Variants in P4HA1 observed in about 807,000 individuals in gnomAD.
P4HA1 encodes prolyl 4-hydroxylase subunit alpha-1.
In P4HA1, 24 loss-of-function variants were observed where a neutral mutation model predicts 72.8. That is an observed-to-expected ratio of 0.33 (90% CI 0.24 to 0.46). The LOEUF (loss-of-function observed/expected upper bound fraction) is 0.46, where lower values mean the gene tolerates loss of function less well. Among genes scored for constraint, P4HA1 ranks in the 20% least tolerant of loss-of-function variants. P4HA1 has a pLI of 1.00. For missense variants in P4HA1, 446 were observed against 640.6 expected (o/e 0.70, Z 3.28); for synonymous variants, 201 against 218.8 (o/e 0.92, Z 0.72).
Position 73,042,968 on chromosome 10 carries a change from T to G in P4HA1, c.1148+2013A>C, listed in dbSNP as rs563685185. On this transcript the variant is annotated intron_variant, in intron 9 of 14. Coordinates refer to ENST00000394890, the MANE Select transcript of P4HA1 (RefSeq NM_001017962.3). The stretch of plus-strand genomic sequence containing the variant: ...AGTGACACATTTTTATGCCTGAAAA[T>G]CTTTTATTTATCACATTATACTTAT... 5.3e-5 allele frequency among the ~76,000 whole-genome samples: 8 copies of G among 152,228 alleles called. No homozygotes were observed. The East Asian group carries it at 1.5e-3, about 29-fold the overall frequency.
At chr10:73,035,790 A>G (rs1840555214) in intron 9 of P4HA1, among the ~76,000 whole-genome samples, 1 of 152,144 alleles carries the variant, frequency 6.6e-6, no homozygotes, top group African/African-American at 2.4e-5. Context: ...ATTTCATAAA[A>G]CCCTTGCCAG....
At chr10:73,019,635 C>G (rs1840087455) in intron 10 of P4HA1, among the ~76,000 whole-genome samples, 1 of 142,234 alleles carries the variant, frequency 7.0e-6, no homozygotes, top group African/African-American at 2.6e-5. Flanking sequence ...GAGGCTGAGG[C>G]AGGAGAATCG....
intron 9 of P4HA1, among the ~76,000 whole-genome samples, chr10:73,041,926 C>A (rs1840745581): frequency 4.0e-5 from 6 of 151,632 alleles, no homozygotes; most frequent in Non-Finnish European, 5.9e-5. Context: ...CTCTCTGTAG[C>A]CTCAACCTCC....
rs545652829 is a variant in P4HA1 at position 73,092,482 on chromosome 10, T to C, written c.-33+4284A>G. Among the ~76,000 whole-genome samples, 55 of 150,990 alleles carry C rather than the reference T, an allele frequency of 3.6e-4. 2 individuals carry two copies. In the South Asian group the frequency reaches 0.011, roughly 31 times the overall value. On this transcript the variant is annotated intron_variant, in intron 1 of 14. Transcript: ENST00000394890. ...CTCCCACCTCAGCCTCCCAAGTAGT[T>C]AGACTACAGATGCATGCAACCTCAT...
chr10:73,087,651 T>C (rs189289350), intron 1 of P4HA1, among the ~76,000 whole-genome samples: 57 of 152,066 alleles, frequency 3.7e-4, no homozygotes, highest in Middle Eastern at 6.8e-3. Flanking sequence ...TCTTTTTAAT[T>C]AGGTTGTTTA....
intron 1 of P4HA1, among the ~76,000 whole-genome samples, chr10:73,091,924 T>C (rs1329577121): frequency 6.6e-6 from 1 of 152,212 alleles, no homozygotes; most frequent in East Asian, 1.9e-4. Flanking sequence ...AAGCTGGCTT[T>C]AGCAGTCCCT....
chr10:73,085,124 G>C (rs752774548), intron 1 of P4HA1, among the ~76,000 whole-genome samples: 36 of 151,652 alleles, frequency 2.4e-4, no homozygotes, highest in South Asian at 1.0e-3. Context: ...CTGGGTGACA[G>C]AGTGAGTCCA....
intron 5 of P4HA1, among the ~76,000 whole-genome samples, chr10:73,058,331 G>A (rs1463959147): frequency 6.6e-6 from 1 of 152,074 alleles, no homozygotes; most frequent in Non-Finnish European, 1.5e-5. Context: ...TCCCACGAAT[G>A]CCTGCTGATT....
intron 1 of P4HA1, among the ~76,000 whole-genome samples, chr10:73,093,153 A>G (rs1842074036): frequency 6.6e-6 from 1 of 151,768 alleles, no homozygotes; most frequent in South Asian, 2.1e-4. Context: ...AGTAAGGCTG[A>G]GTGTACTAAT....
Position 73,053,578 on chromosome 10 carries a change from T to C in P4HA1, c.476A>G (p.Lys159Arg). 6.2e-7 allele frequency: 1 copy of C among 1,613,818 alleles called. No individual in the cohort carries two copies. Among genetic ancestry groups the C allele is most frequent in the East Asian group, 2.2e-5 (1 of 44,886 alleles). ...GCAGTCCTCAGCCGTTAGAAAAGAT[T>C]TGTGTTTCACTCCTATGAAAAGAAA... ...SKGNLPGVKH[K>R]SFLTAEDCFE... is the part of the protein sequence containing the mutation. Residue 159 changes from lysine to arginine, a missense_variant, in exon 6 of 15, where the codon AAA (lysine) becomes AGA (arginine). Transcript: ENST00000394890.
intron 5 of P4HA1, among the ~76,000 whole-genome samples, chr10:73,055,590 G>A (rs769728573): frequency 2.0e-5 from 3 of 152,142 alleles, no homozygotes; most frequent in Non-Finnish European, 4.4e-5. Flanking sequence ...AAACTGTGAT[G>A]AAGTCCAACT....
chr10:73,024,957 T>C (rs898671242), intron 10 of P4HA1, among the ~76,000 whole-genome samples: 2 of 152,148 alleles, frequency 1.3e-5, no homozygotes, highest in African/African-American at 2.4e-5. Context: ...AATCTCTGAA[T>C]AGAAAAATAA....
chr10:73,090,456 T>C (rs1842005055), intron 1 of P4HA1, among the ~76,000 whole-genome samples: 1 of 152,244 alleles, frequency 6.6e-6, no homozygotes, highest in Non-Finnish European at 1.5e-5. Flanking sequence ...TTGAAGGTGA[T>C]GGATATGTTC....
At chr10:73,076,588 G>A (rs895670806) in intron 1 of P4HA1, among the ~76,000 whole-genome samples, 4 of 151,714 alleles carry the variant, frequency 2.6e-5, no homozygotes, top group Admixed American at 6.6e-5. Context: ...TGATAGCACC[G>A]TCTTTTCTAG....
Position 73,072,067 on chromosome 10 carries a change from C to T in P4HA1, c.287G>A (p.Ser96Asn), listed in dbSNP as rs202013545. Reference protein sequence around the residue: ...KLMKRLNTEWSELENLVLKDM... With the variant: ...KLMKRLNTEWNELENLVLKDM... ...CTTAAGGACCAGATTCTCCAACTCA[C>T]TCCACTCAGTATTCAGACGTTTCAT... The change falls in exon 4 of 15, where the codon AGT becomes AAT. Residue 96 changes from serine to asparagine, a missense_variant. By Grantham distance (46) the Ser-to-Asn change is conservative (BLOSUM62 1). Transcript: ENST00000394890. 1.6e-5 allele frequency: 26 copies of T among 1,613,010 alleles called. No individual in the cohort carries two copies. In the Admixed American group the frequency reaches 1.8e-4, roughly 11 times the overall value.
chr10:73,028,432 T>C (rs920003966), intron 10 of P4HA1, among the ~76,000 whole-genome samples: 1 of 151,764 alleles, frequency 6.6e-6, no homozygotes, highest in Non-Finnish European at 1.5e-5. Flanking sequence ...TAACAGTTTA[T>C]TTATTTATTT....
At chr10:73,016,390 T>C (rs1840007823) in intron 11 of P4HA1, among the ~76,000 whole-genome samples, 2 of 152,216 alleles carry the variant, frequency 1.3e-5, no homozygotes. Flanking sequence ...CCCACTGCAT[T>C]TGCAGTGGTC....
intron 9 of P4HA1, among the ~76,000 whole-genome samples, chr10:73,036,811 T>C (rs1419863991): frequency 6.6e-6 from 1 of 152,212 alleles, no homozygotes; most frequent in African/African-American, 2.4e-5. Context: ...ATAGACATAA[T>C]AGGTTATCTA....
chr10:73,096,611 T>A (rs1842174726), intron 1 of P4HA1, among the ~76,000 whole-genome samples, 155 bp downstream of exon 1: 1 of 151,918 alleles, frequency 6.6e-6, no homozygotes, highest in Non-Finnish European at 1.5e-5. Context: ...GGGCCGAGTC[T>A]CCCGAGGGGA....
Sources: gnomAD v4.1 joint callset for allele counts (sites outside exome capture counted in the v4.1 genomes callset) on GRCh38, gnomAD v4.1.1 for gene constraint, MANE v1.5 for transcripts, NCBI Gene and HGNC (gene_info 2026-07-23, HGNC 2026-07-21) for gene names.